Variants in ITGA1 observed in about 807,000 individuals in gnomAD.
ITGA1 encodes the protein integrin subunit alpha 1, also known as integrin alpha-1.
A neutral mutation model predicts 145.9 loss-of-function variants in ITGA1; 85 were observed. That is an observed-to-expected ratio of 0.58 (90% CI 0.49 to 0.70). The LOEUF is 0.70. ITGA1 is among the 30% of genes least tolerant of loss of function. The pLI is 0.00. For missense variants in ITGA1, 1,351 were observed against 1,418.7 expected (o/e 0.95, Z 0.77); for synonymous variants, 520 against 495.3 (o/e 1.05, Z -0.66).
chr5:52,864,810 T>G lies in ITGA1; in HGVS notation c.343T>G (p.Phe115Val). ...NVTEVKENMT[F>V]GSTLVTNPNG... ...CACAGAAGTAAAGGAGAACATGACATTTGGATCAACTTTAGTCACCAACCC... is the reference window on the plus strand; with the variant it reads ...CACAGAAGTAAAGGAGAACATGACAGTTGGATCAACTTTAGTCACCAACCC... Residue 115 changes from phenylalanine to valine, a missense_variant, in exon 4 of 29, where the codon TTT (phenylalanine) becomes GTT (valine). By Grantham distance (50) the Phe-to-Val change is conservative (BLOSUM62 -1). Transcript: ENST00000282588. 6.2e-7 allele frequency: 1 copy of G among 1,613,040 alleles called. No individual in the cohort carries two copies. The highest frequency in any genetic ancestry group is 2.2e-5 in the East Asian group (1 of 44,812).
intron 7 of ITGA1, among the ~76,000 whole-genome samples, chr5:52,884,306 G>A (rs1409751342): frequency 6.6e-6 from 1 of 152,052 alleles, no homozygotes; most frequent in African/African-American, 2.4e-5. Flanking sequence ...AATTAGCCGG[G>A]CGTGGTGGTG....
At chr5:52,838,732 A>G (rs1561223570) in intron 1 of ITGA1, among the ~76,000 whole-genome samples, 2 of 152,294 alleles carry the variant, frequency 1.3e-5, no homozygotes, top group Admixed American at 1.3e-4. Context: ...GTAAAAGTCT[A>G]GGCATGCTTC....
intron 3 of ITGA1, among the ~76,000 whole-genome samples, chr5:52,863,555 A>C (rs1749639895): frequency 6.6e-6 from 1 of 152,182 alleles, no homozygotes; most frequent in African/African-American, 2.4e-5. Context: ...TCTTCTTCCA[A>C]GTATGGATTC....
At chr5:52,802,899 T>C (rs1307462772) in intron 1 of ITGA1, 1 of 152,202 alleles carries the variant, frequency 6.6e-6, no homozygotes, top group Non-Finnish European at 1.5e-5. Context: ...TTACTATAAT[T>C]ATGGAATTGT....
At chr5:52,920,653 T>C (rs1750717117) in intron 17 of ITGA1, among the ~76,000 whole-genome samples, 185 bp downstream of exon 17, 1 of 152,232 alleles carries the variant, frequency 6.6e-6, no homozygotes, top group Non-Finnish European at 1.5e-5. Flanking sequence ...TCCAAATATT[T>C]GTAAAACTAT....
intron 11 of ITGA1, chr5:52,902,443 A>G (rs964058013): frequency 7.9e-5 from 12 of 152,216 alleles, no homozygotes; most frequent in Admixed American, 5.2e-4. Flanking sequence ...GACAGATCAT[A>G]CCTGTTTCCC....
At chr5:52,887,273 C>A (rs567829855) in intron 7 of ITGA1, among the ~76,000 whole-genome samples, 2 of 152,270 alleles carry the variant, frequency 1.3e-5, no homozygotes, top group East Asian at 3.9e-4. Flanking sequence ...GTCCCTATCC[C>A]CAGGACACTC....
intron 1 of ITGA1, among the ~76,000 whole-genome samples, chr5:52,828,356 G>A (rs963934055): frequency 6.6e-6 from 1 of 152,052 alleles, no homozygotes; most frequent in South Asian, 2.1e-4. Flanking sequence ...CATTCTACTG[G>A]CTGTGAAGTG....
chr5:52,793,715 C>T (rs1012546695), intron 1 of ITGA1, among the ~76,000 whole-genome samples: 24 of 152,108 alleles, frequency 1.6e-4, no homozygotes, highest in African/African-American at 5.8e-4. Flanking sequence ...CAGTTCTCTT[C>T]AAGTGCCAAG....
chr5:52,850,611 C>T (rs1257793480), intron 2 of ITGA1, among the ~76,000 whole-genome samples: 1 of 152,014 alleles, frequency 6.6e-6, no homozygotes, highest in East Asian at 1.9e-4. Context: ...ATCTTTTAGA[C>T]TTGGTTAATT....
chr5:52,828,793 C>T (rs1466627823), intron 1 of ITGA1, among the ~76,000 whole-genome samples: 1 of 152,170 alleles, frequency 6.6e-6, no homozygotes, highest in Non-Finnish European at 1.5e-5. Context: ...GTTGGCAGAG[C>T]CATACTCCTT....
chr5:52,943,250 T>C (rs1438039831), intron 26 of ITGA1, among the ~76,000 whole-genome samples: 1 of 152,202 alleles, frequency 6.6e-6, no homozygotes, highest in African/African-American at 2.4e-5. Context: ...GTTTCTTTGA[T>C]GCCTGTCTCT....
chr5:52,803,715 G>T lies in ITGA1; in HGVS notation c.61+15301G>T, dbSNP rs954593878. The T allele has an allele frequency of 2.6e-5, 4 of 152,146 alleles. No homozygotes were observed. In the East Asian group the frequency reaches 7.7e-4, roughly 29 times the overall value. The allele number at this position is 152,146 out of a possible 1,614,324, so 9.4% of individuals were successfully genotyped here. The stretch of plus-strand genomic sequence containing the variant: ...CTGATTCAGGCCTTGCTATTCAAAA[G>T]TATGGTCCGTAAACCAGCAGCATCC... On this transcript the variant is annotated intron_variant, in intron 1 of 28. Coordinates refer to ENST00000282588, the MANE Select transcript of ITGA1 (RefSeq NM_181501.2).
intron 24 of ITGA1, among the ~76,000 whole-genome samples, chr5:52,938,286 T>C (rs1173921711): frequency 6.6e-6 from 1 of 152,136 alleles, no homozygotes; most frequent in African/African-American, 2.4e-5. Flanking sequence ...TCCCAAATAA[T>C]AGCAATATTG....
At chr5:52,818,603 G>A (rs972509221) in intron 1 of ITGA1, among the ~76,000 whole-genome samples, 2 of 152,116 alleles carry the variant, frequency 1.3e-5, no homozygotes, top group Non-Finnish European at 2.9e-5. Context: ...TGGTTTTTGG[G>A]TGATTCTTTT....
Position 52,959,132 on chromosome 5 carries a change from T to A in ITGA1, c.*6681T>A, listed in dbSNP as rs1751343903. On this transcript the variant is annotated 3_prime_UTR_variant, in exon 29 of 29. Coordinates refer to ENST00000282588, the MANE Select transcript of ITGA1 (RefSeq NM_181501.2). ...GTATAATTCTGTCTTATCTGGTGCA[T>A]CAGCTGTGTATTTTACGTCAAGGTA... 1 of 152,176 alleles carries A rather than the reference T, an allele frequency of 6.6e-6. No individual in the cohort carries two copies. Among genetic ancestry groups the A allele is most frequent in the African/African-American group, 2.4e-5 (1 of 41,452 alleles). 9.4% of individuals were successfully genotyped at this position (152,176 alleles called of 1,614,324 possible). A position where few individuals can be genotyped will look rare whatever the true frequency, so the allele number is the denominator to read the frequency against.
chr5:52,800,038 C>T (rs1434556937), intron 1 of ITGA1: 3 of 306,126 alleles, frequency 9.8e-6, no homozygotes, highest in African/African-American at 2.2e-5. Context: ...CCCCGCCTCT[C>T]CTTTGGGGAC....
At chr5:52,913,105 C>A (rs1394212752) in intron 14 of ITGA1, among the ~76,000 whole-genome samples, 1 of 151,812 alleles carries the variant, frequency 6.6e-6, no homozygotes, top group African/African-American at 2.4e-5. Context: ...TTTTCCATAT[C>A]TCCAGGATTT....
At chr5:52,915,681 A>C in intron 15 of ITGA1, 87 bp downstream of exon 15, 2 of 1,477,222 alleles carry the variant, frequency 1.4e-6, no homozygotes, top group Non-Finnish European at 9.2e-7. Flanking sequence ...CATACCAAAT[A>C]TCTATTTCCT....
Sources: gnomAD v4.1 joint callset for allele counts (sites outside exome capture counted in the v4.1 genomes callset) on GRCh38, gnomAD v4.1.1 for gene constraint, MANE v1.5 for transcripts, NCBI Gene and HGNC (gene_info 2026-07-23, HGNC 2026-07-21) for gene names.